Variants in SLC35A3 observed in about 807,000 individuals in gnomAD.
The protein encoded by SLC35A3 is solute carrier family 35 member A3.
SLC35A3 carries 26 observed loss-of-function variants against 39.0 expected under a neutral mutation model. The ratio of observed to expected loss-of-function variants is 0.67; its 90% CI spans 0.49 to 0.92. SLC35A3 has a LOEUF of 0.92. SLC35A3 is among the 40% of genes least tolerant of loss of function. SLC35A3 has a pLI of 0.00. For synonymous variants in SLC35A3, 135 were observed against 133.1 expected (o/e 1.01, Z -0.10); for missense variants, 299 against 371.6 (o/e 0.80, Z 1.61).
rs1000987959 is a variant in SLC35A3 at position 100,033,322 on chromosome 1, A to T, written c.*10846A>T. 10 of 151,996 alleles carry T rather than the reference A, an allele frequency of 6.6e-5. No homozygotes were observed. The highest frequency in any genetic ancestry group is 2.2e-4 in the African/African-American group (9 of 41,516). The allele number at this position is 151,996 out of a possible 1,614,324, so 9.4% of individuals were successfully genotyped here. A position where few individuals can be genotyped will look rare whatever the true frequency, so the allele number is the denominator to read the frequency against. On this transcript the variant is annotated 3_prime_UTR_variant, in exon 8 of 8. Transcript: ENST00000533028. ...AAAAAAAAAAGATAAATTTTTTCGA[A>T]AAGTTTTATATGAAAAGTGTACTCT...
At chr1:100,015,511 G>T in intron 6 of SLC35A3, 91 bp downstream of exon 6, 1 of 1,290,840 alleles carries the variant, frequency 7.7e-7, no homozygotes, top group Non-Finnish European at 1.0e-6. Context: ...ATGTGAGGGG[G>T]AAAAGGTCCC....
intron 1 of SLC35A3, among the ~76,000 whole-genome samples, chr1:99,978,380 A>C (rs1570565766): frequency 6.6e-6 from 1 of 152,292 alleles, no homozygotes; most frequent in East Asian, 1.9e-4. Context: ...TAAAAAATTT[A>C]GCTAGGTGTG....
At chr1:99,980,338 G>A (rs551114976) in intron 1 of SLC35A3, among the ~76,000 whole-genome samples, 1 of 152,148 alleles carries the variant, frequency 6.6e-6, no homozygotes, top group African/African-American at 2.4e-5. Context: ...ATGAGAGTGT[G>A]GGGAAATGGG....
At position 100,026,898 on chromosome 1, in the gene SLC35A3, CTT is replaced by C. The variant is rs889332779; in HGVS notation, c.*4423_*4424del. The C allele has an allele frequency of 2.3e-5, 7 of 309,920 alleles. No homozygotes were observed. The highest frequency in any genetic ancestry group is 8.8e-4 in the Middle Eastern group (1 of 1,138). 19.2% of individuals were successfully genotyped at this position (309,920 alleles called of 1,614,324 possible). On this transcript the variant is annotated 3_prime_UTR_variant, in exon 8 of 8. Transcript: ENST00000533028. ...ATGGCTTTTTAATTGATAAACTTCT[CTT>C]GTCATTTTTTGGTATCCAGCTATTA...
intron 7 of SLC35A3, among the ~76,000 whole-genome samples, chr1:100,019,984 T>A (rs147967666): frequency 3.5e-4 from 54 of 152,330 alleles, no homozygotes; most frequent in African/African-American, 1.2e-3. Flanking sequence ...TGCTGGCCAC[T>A]GTGCTAGCTC....
At position 100,035,465 on chromosome 1, in the gene SLC35A3, G is replaced by A. The variant is rs966772557; in HGVS notation, c.*12989G>A. The stretch of plus-strand genomic sequence containing the variant: ...AAGCCTGGGACATTCTGGACATTTA[G>A]TATGTGTTAAATTTCTCTTACTACA... On this transcript the variant is annotated 3_prime_UTR_variant, in exon 8 of 8. Coordinates refer to ENST00000533028, the MANE Select transcript of SLC35A3 (RefSeq NM_012243.3). 6.6e-6 allele frequency: 1 copy of A among 152,162 alleles called. No individual in the cohort carries two copies. The allele number at this position is 152,162 out of a possible 1,614,324, so 9.4% of individuals were successfully genotyped here. A position where few individuals can be genotyped will look rare whatever the true frequency, so the allele number is the denominator to read the frequency against.
intron 3 of SLC35A3, among the ~76,000 whole-genome samples, chr1:100,006,763 G>A (rs954064992): frequency 5.9e-5 from 9 of 152,190 alleles, no homozygotes; most frequent in African/African-American, 1.9e-4. Context: ...TGGCTGTGGA[G>A]ATAATTTTGT....
chr1:100,011,734 A>T (rs1391697547), intron 5 of SLC35A3, among the ~76,000 whole-genome samples: 11 of 110,578 alleles, frequency 9.9e-5, no homozygotes, highest in Admixed American at 6.7e-4. Flanking sequence ...TTATTTATTT[A>T]TTTTTGACAG....
chr1:100,016,306 C>A (rs1033039551), intron 6 of SLC35A3, among the ~76,000 whole-genome samples: 3 of 151,820 alleles, frequency 2.0e-5, no homozygotes, highest in African/African-American at 7.2e-5. Flanking sequence ...CCTCGTTATC[C>A]ACCCACCTTG....
intron 1 of SLC35A3, among the ~76,000 whole-genome samples, chr1:99,991,745 A>G (rs572407364): frequency 1.3e-5 from 2 of 152,166 alleles, no homozygotes; most frequent in Non-Finnish European, 2.9e-5. Flanking sequence ...GAATTCAAGT[A>G]AGATCTGATA....
In SLC35A3 at chr1:100,033,751, T is replaced by G. The variant is rs1001084971; in HGVS notation, c.*11275T>G. 6.6e-6 allele frequency: 1 copy of G among 152,216 alleles called. No individual in the cohort carries two copies. Among genetic ancestry groups the G allele is most frequent in the Non-Finnish European group, 1.5e-5 (1 of 68,040 alleles). 9.4% of individuals were successfully genotyped at this position (152,216 alleles called of 1,614,324 possible). The stretch of plus-strand genomic sequence containing the variant: ...TCTGTTCATATTTTCTGTAGTCTTA[T>G]TTCTTTTTGATTAGAACATATAATA... On this transcript the variant is annotated 3_prime_UTR_variant, in exon 8 of 8. Coordinates refer to ENST00000533028, the MANE Select transcript of SLC35A3 (RefSeq NM_012243.3).
intron 7 of SLC35A3, 107 bp downstream of exon 7, chr1:100,017,922 T>A (rs543819252): frequency 1.3e-5 from 7 of 555,868 alleles, no homozygotes; most frequent in African/African-American, 4.0e-5. Context: ...AATATAATTT[T>A]AAAAATTTAT....
intron 1 of SLC35A3, among the ~76,000 whole-genome samples, chr1:99,978,727 G>A (rs999947946): frequency 2.0e-5 from 3 of 152,120 alleles, no homozygotes; most frequent in Non-Finnish European, 2.9e-5. Context: ...TACTAGAGTA[G>A]TTTCTCATTC....
chr1:100,000,439 G>A (rs1320260285), intron 3 of SLC35A3, among the ~76,000 whole-genome samples: 3 of 151,646 alleles, frequency 2.0e-5, no homozygotes, highest in Middle Eastern at 3.2e-3. Flanking sequence ...TTGTTCTTAC[G>A]CTCTGGAGTT....
At chr1:99,999,098 A>T (rs960002469) in intron 2 of SLC35A3, among the ~76,000 whole-genome samples, 163 bp from the exon 3 acceptor site, 1 of 152,128 alleles carries the variant, frequency 6.6e-6, no homozygotes, top group Non-Finnish European at 1.5e-5. Context: ...AATATTTAAC[A>T]TTTTAAAAAT....
chr1:100,005,443 A>G (rs1659154192), intron 3 of SLC35A3, among the ~76,000 whole-genome samples: 1 of 152,248 alleles, frequency 6.6e-6, no homozygotes, highest in Non-Finnish European at 1.5e-5. Flanking sequence ...GACATACTAC[A>G]TTGGGAGTGT....
chr1:100,013,360 C>G lies in SLC35A3; in HGVS notation c.634+1827C>G, dbSNP rs1338349964. 4.0e-5 allele frequency among the ~76,000 whole-genome samples: 6 copies of G among 150,924 alleles called. No individual in the cohort carries two copies. In the South Asian group the frequency reaches 1.3e-3, roughly 32 times the overall value. On this transcript the variant is annotated intron_variant, in intron 5 of 7. Transcript: ENST00000533028. ...GGATACAGTGGCTCACGCCTGTAAT[C>G]CCAGCACTTTGAGAGGCCGAGGCAG...
Position 99,985,011 on chromosome 1 carries a change from A to G in SLC35A3, c.-18-8526A>G, listed in dbSNP as rs546103077. ...TTGTTTGTTGGATGTATAGATTGCA[A>G]ATATTTTCTCCCACTCTGTGGGTTG... On this transcript the variant is annotated intron_variant, in intron 1 of 7. Coordinates refer to ENST00000533028, the MANE Select transcript of SLC35A3 (RefSeq NM_012243.3). 1.1e-4 allele frequency among the ~76,000 whole-genome samples: 17 copies of G among 152,204 alleles called. No individual in the cohort carries two copies. In the South Asian group the frequency reaches 2.7e-3, roughly 24 times the overall value.
rs1384706457 is a variant in SLC35A3, at chr1:100,022,543, G to T, written c.*67G>T. The T allele has an allele frequency of 2.5e-6, 2 of 806,928 alleles. No individual in the cohort carries two copies. Among genetic ancestry groups the T allele is most frequent in the Admixed American group, 4.5e-5 (2 of 44,344 alleles). 50.0% of individuals were successfully genotyped at this position (806,928 alleles called of 1,614,324 possible). A position where few individuals can be genotyped will look rare whatever the true frequency, so the allele number is the denominator to read the frequency against. ...GGAATCTCGACATTAATCTTGCACAGAGGACTTCTACAGAGTCTGAGAAGA... is the reference window on the plus strand; with the variant it reads ...GGAATCTCGACATTAATCTTGCACATAGGACTTCTACAGAGTCTGAGAAGA... On this transcript the variant is annotated 3_prime_UTR_variant, in exon 8 of 8. Coordinates refer to ENST00000533028, the MANE Select transcript of SLC35A3 (RefSeq NM_012243.3).
Sources: allele counts gnomAD v4.1 joint callset (sites outside exome capture counted in the v4.1 genomes callset), GRCh38; gene constraint gnomAD v4.1.1; transcripts MANE v1.5; gene names NCBI Gene and HGNC (gene_info 2026-07-23, HGNC 2026-07-21).